The following SH3RF2 variants were observed in gnomAD, a reference collection of about 807,000 sequenced individuals.
SH3RF2 encodes E3 ubiquitin-protein ligase SH3RF2.
A neutral mutation model predicts 59.0 loss-of-function variants in SH3RF2; 43 were observed. The ratio of observed to expected loss-of-function variants is 0.73; its 90% CI spans 0.57 to 0.94. The LOEUF (loss-of-function observed/expected upper bound fraction) is 0.94, where lower values mean the gene tolerates loss of function less well. Among genes scored for constraint, SH3RF2 ranks in the 40% least tolerant of loss-of-function variants. The probability of loss-of-function intolerance (pLI) is 0.00; values close to 1 mark genes in which losing one functional copy is unlikely to be tolerated. For missense variants in SH3RF2, 930 were observed against 940.1 expected (o/e 0.99, Z 0.14); for synonymous variants, 391 against 391.5 (o/e 1.00, Z 0.01).
At chr5:146,061,853 T>C (rs1463248183) in intron 9 of SH3RF2, among the ~76,000 whole-genome samples, 1 of 152,192 alleles carries the variant, frequency 6.6e-6, no homozygotes, top group African/African-American at 2.4e-5. Flanking sequence ...TATGAAATTC[T>C]GATTTTTATA....
downstream of SH3RF2, among the ~76,000 whole-genome samples, chr5:146,064,374 G>A (rs982143939): frequency 3.3e-5 from 5 of 151,966 alleles, no homozygotes; most frequent in Admixed American, 2.0e-4. Context: ...CAGCCAGGGA[G>A]AGCCTTGTAA....
chr5:145,946,256 G>A (rs1427100603), intron 2 of SH3RF2, among the ~76,000 whole-genome samples: 2 of 152,178 alleles, frequency 1.3e-5, no homozygotes, highest in African/African-American at 4.8e-5. Context: ...TCAAATAGTA[G>A]CTGAGTTCAT....
intron 8 of SH3RF2, 165 bp downstream of exon 8, chr5:146,056,378 A>C: frequency 8.3e-7 from 1 of 1,211,914 alleles, no homozygotes; most frequent in South Asian, 1.6e-5. Context: ...GAATGAAGTC[A>C]TACCAACTCA....
intron 2 of SH3RF2, among the ~76,000 whole-genome samples, chr5:145,991,235 C>A (rs954808956): frequency 3.3e-5 from 5 of 152,242 alleles, no homozygotes; most frequent in Admixed American, 2.0e-4. Flanking sequence ...GGCTGTGTGA[C>A]CTTGTTTGGT....
At chr5:145,937,524 G>T (rs1055648685) in intron 1 of SH3RF2, among the ~76,000 whole-genome samples, 1 of 152,098 alleles carries the variant, frequency 6.6e-6, no homozygotes, top group Non-Finnish European at 1.5e-5. Flanking sequence ...ACCTCTTCCC[G>T]CCCTGGCTGG....
intron 2 of SH3RF2, among the ~76,000 whole-genome samples, chr5:145,962,520 G>C (rs1580777924): frequency 6.6e-6 from 1 of 152,062 alleles, no homozygotes; most frequent in East Asian, 1.9e-4. Flanking sequence ...TATTAGTGTT[G>C]GGCTCAAATG....
In SH3RF2 at chr5:146,004,055, CAGGACGAT is replaced by C; in HGVS notation, c.649-1_655del. 6.2e-7 allele frequency: 1 copy of C among 1,610,760 alleles called. No homozygotes were observed. Among genetic ancestry groups the C allele is most frequent in the Non-Finnish European group, 8.5e-7 (1 of 1,177,746 alleles). ...ATGCTGACCATGAGACTTTCTCTTT[CAGGACGAT>C]ATCATCACTGTGATCAGCCGAGTGG... On this transcript the variant is annotated splice_acceptor_variant and coding_sequence_variant, in exon 4 of 10. Coordinates refer to ENST00000359120, the MANE Select transcript of SH3RF2 (RefSeq NM_152550.4). LOFTEE classifies it high-confidence loss of function.
At chr5:145,971,993 T>G (rs1397664235) in intron 2 of SH3RF2, among the ~76,000 whole-genome samples, 1 of 152,176 alleles carries the variant, frequency 6.6e-6, no homozygotes, top group East Asian at 1.9e-4. Context: ...TGTATGAGAT[T>G]GATGTTATTA....
At chr5:145,966,411 A>G (rs532335647) in intron 2 of SH3RF2, among the ~76,000 whole-genome samples, 43 of 152,344 alleles carry the variant, frequency 2.8e-4, no homozygotes, top group African/African-American at 9.6e-4. Flanking sequence ...AAGGGAGACA[A>G]ACAATGAATA....
At chr5:145,954,539 A>G (rs1758319073) in intron 2 of SH3RF2, among the ~76,000 whole-genome samples, 1 of 152,234 alleles carries the variant, frequency 6.6e-6, no homozygotes, top group Admixed American at 6.5e-5. Context: ...TTTGCAGTGC[A>G]GAAGCTCTTA....
intron 5 of SH3RF2, among the ~76,000 whole-genome samples, chr5:146,045,553 A>G (rs1300990581): frequency 6.6e-6 from 1 of 152,238 alleles, no homozygotes; most frequent in African/African-American, 2.4e-5. Context: ...TATTCTGGAC[A>G]TTTCATATAA....
At chr5:145,997,851 A>G in intron 2 of SH3RF2, 2 of 1,240,190 alleles carry the variant, frequency 1.6e-6, no homozygotes, top group South Asian at 2.4e-5. Context: ...AACAACTCAC[A>G]TCTTGAAATG....
At chr5:146,067,918 T>C (rs981530345), downstream of SH3RF2, among the ~76,000 whole-genome samples, 1 of 152,156 alleles carries the variant, frequency 6.6e-6, no homozygotes, top group African/African-American at 2.4e-5. Context: ...GCCTATGCCA[T>C]CCTGGTTGCT....
intron 2 of SH3RF2, among the ~76,000 whole-genome samples, chr5:145,949,539 C>T (rs182300641): frequency 2.6e-4 from 40 of 152,314 alleles, no homozygotes; most frequent in African/African-American, 8.9e-4. Context: ...GAAGAGAAAA[C>T]TTCCCTTCCC....
At chr5:145,955,531 T>A (rs1268087704) in intron 2 of SH3RF2, among the ~76,000 whole-genome samples, 1 of 152,180 alleles carries the variant, frequency 6.6e-6, no homozygotes, top group Non-Finnish European at 1.5e-5. Flanking sequence ...GTAACAAACC[T>A]GCACATGGAC....
chr5:145,997,943 T>A, intron 2 of SH3RF2: 1 of 796,348 alleles, frequency 1.3e-6, no homozygotes, highest in Non-Finnish European at 2.3e-6. Context: ...AGTTTATGCC[T>A]GACCCCAAGT....
intron 7 of SH3RF2, among the ~76,000 whole-genome samples, chr5:146,051,484 T>C (rs1762495437): frequency 6.6e-6 from 1 of 151,864 alleles, no homozygotes; most frequent in Admixed American, 6.6e-5. Context: ...GCTGTGGAGG[T>C]AGGGAGAAGT....
chr5:146,058,880 A>C (rs971165364), intron 8 of SH3RF2, among the ~76,000 whole-genome samples: 2 of 152,102 alleles, frequency 1.3e-5, no homozygotes, highest in Non-Finnish European at 2.9e-5. Context: ...TTAAAAAAAA[A>C]AAAAAAAGGA....
At chr5:145,940,934 A>T (rs1241022551) in intron 2 of SH3RF2, among the ~76,000 whole-genome samples, 1 of 152,156 alleles carries the variant, frequency 6.6e-6, no homozygotes, top group African/African-American at 2.4e-5. Context: ...GCCACACATG[A>T]GGCATGCTAC....
Sources: allele counts gnomAD v4.1 joint callset (sites outside exome capture counted in the v4.1 genomes callset), GRCh38; gene constraint gnomAD v4.1.1; transcripts MANE v1.5; gene names NCBI Gene and HGNC (gene_info 2026-07-23, HGNC 2026-07-21).